The following DDX60 variants were observed in gnomAD, a reference collection of about 807,000 sequenced individuals.
The protein encoded by DDX60 is DExD/H-box helicase 60, also known as probable ATP-dependent RNA helicase DDX60.
In DDX60, 165 loss-of-function variants were observed where a neutral mutation model predicts 212.8. That is an observed-to-expected ratio of 0.78 (90% CI 0.68 to 0.88). The LOEUF (loss-of-function observed/expected upper bound fraction) is 0.88. Among genes scored for constraint, DDX60 ranks in the 40% least tolerant of loss-of-function variants. DDX60 has a pLI of 0.00. For missense variants in DDX60, 1,905 were observed against 2,003.9 expected (o/e 0.95, Z 0.94); for synonymous variants, 703 against 685.3 (o/e 1.03, Z -0.40).
chr4:168,293,665 G>A, intron 7 of DDX60, 122 bp downstream of exon 7: 1 of 874,428 alleles, frequency 1.1e-6, no homozygotes. Context: ...TTTATTTTCT[G>A]AAGTTTATAT....
intron 5 of DDX60, 41 bp downstream of exon 5, chr4:168,306,338 T>C (rs757157197): frequency 2.0e-6 from 3 of 1,496,554 alleles, no homozygotes; most frequent in Non-Finnish European, 2.7e-6. Context: ...TAGAACATTT[T>C]GAAAATTTCT....
At chr4:168,283,380 A>C in intron 13 of DDX60, 66 bp downstream of exon 13, 1 of 1,396,392 alleles carries the variant, frequency 7.2e-7, no homozygotes. Flanking sequence ...CCAAAGGGAT[A>C]ACACATATCA....
chr4:168,275,996 G>C lies in DDX60; in HGVS notation c.2145+19C>G, dbSNP rs1215714932. 1 of 1,584,004 alleles carries C rather than the reference G, an allele frequency of 6.3e-7. No individual in the cohort carries two copies. The highest frequency in any genetic ancestry group is 1.4e-5 in the African/African-American group (1 of 73,968). On this transcript the variant is annotated intron_variant, in intron 15 of 37. Coordinates refer to ENST00000393743, the MANE Select transcript of DDX60 (RefSeq NM_017631.6). Reference sequence around the variant, plus strand: ...CTAATAATTACCCTGTTGAAATTGAGCTATTCTGATAATATTACCTGGGCT... The same window carrying C: ...CTAATAATTACCCTGTTGAAATTGACCTATTCTGATAATATTACCTGGGCT...
intron 32 of DDX60, 23 bp from the exon 33 acceptor site, chr4:168,236,396 T>C (rs772040387): frequency 1.6e-5 from 25 of 1,567,004 alleles, no homozygotes; most frequent in South Asian, 2.4e-5. Context: ...AAGTGTCTTC[T>C]TGTAAATATG....
rs755996268 is a variant in DDX60, at chr4:168,236,389, T to G, written c.4412-16A>C. Reference sequence around the variant, plus strand: ...TGTTTTGAGCCTATATAAAACAAAGTGTCTTCTTGTAAATATGAAAGGGTA... The same window carrying G: ...TGTTTTGAGCCTATATAAAACAAAGGGTCTTCTTGTAAATATGAAAGGGTA... On this transcript the variant is annotated splice_polypyrimidine_tract_variant and intron_variant, in intron 32 of 37. Transcript: ENST00000393743. 1 of 1,577,272 alleles carries G rather than the reference T, an allele frequency of 6.3e-7. No individual in the cohort carries two copies. The highest frequency in any genetic ancestry group is 8.6e-7 in the Non-Finnish European group (1 of 1,161,648).
chr4:168,261,024 G>A (rs1734603675), intron 24 of DDX60, 35 bp from the exon 25 acceptor site: 1 of 1,569,616 alleles, frequency 6.4e-7, no homozygotes, highest in East Asian at 2.3e-5. Context: ...TTTAAGTTCT[G>A]CATGAGAAAG....
intron 27 of DDX60, among the ~76,000 whole-genome samples, chr4:168,252,037 A>C (rs961513502): frequency 1.3e-5 from 2 of 152,224 alleles, no homozygotes; most frequent in African/African-American, 4.8e-5. Flanking sequence ...ATAATGTAAA[A>C]AGCCCCTGAT....
intron 16 of DDX60, 100 bp downstream of exon 16, chr4:168,275,245 T>C: frequency 9.1e-7 from 1 of 1,096,748 alleles, no homozygotes; most frequent in African/African-American, 1.6e-5. Flanking sequence ...TTAAATGACA[T>C]GAACATCAAA....
chr4:168,224,797 A>G (rs1733190949), intron 34 of DDX60, among the ~76,000 whole-genome samples: 1 of 151,754 alleles, frequency 6.6e-6, no homozygotes, highest in South Asian at 2.1e-4. Context: ...GAGAATAAAT[A>G]TATTTTCCAT....
intron 37 of DDX60, among the ~76,000 whole-genome samples, chr4:168,218,788 C>T (rs959057662): frequency 3.3e-5 from 5 of 152,076 alleles, no homozygotes; most frequent in African/African-American, 1.2e-4. Context: ...CATTTCTGTA[C>T]TTTGAAAATA....
intron 30 of DDX60, among the ~76,000 whole-genome samples, chr4:168,244,217 C>T (rs373216714): frequency 1.3e-5 from 2 of 152,036 alleles, no homozygotes; most frequent in African/African-American, 2.4e-5. Flanking sequence ...ACATAACAAA[C>T]CTGCACATCC....
In DDX60 at chr4:168,225,575, T is replaced by C. The variant is rs17053812; in HGVS notation, c.4635A>G (p.Lys1545=). 5.1e-3 allele frequency: 8,296 copies of C among 1,611,432 alleles called. 362 individuals carry two copies. In the African/African-American group the frequency reaches 0.095, roughly 18 times the overall value. Residue 1545 remains lysine (K), a synonymous_variant, in exon 34 of 38, where the codon AAA becomes AAG. Coordinates refer to ENST00000393743, the MANE Select transcript of DDX60 (RefSeq NM_017631.6). ...DFTTFLRIVS[K]LADMNQEYQL... ...GATATTCCTGATTCATATCAGCCAG[T>C]TTGGAAACAATTCGTAGGAAAGTGG...
intron 15 of DDX60, 86 bp downstream of exon 15, chr4:168,275,929 T>A: frequency 2.6e-6 from 3 of 1,143,350 alleles, no homozygotes; most frequent in South Asian, 2.2e-5. Flanking sequence ...AAAAAAAAAA[T>A]CTGGAAGAGA....
intron 30 of DDX60, among the ~76,000 whole-genome samples, chr4:168,241,950 T>C (rs1222112569): frequency 6.6e-6 from 1 of 152,124 alleles, no homozygotes; most frequent in Non-Finnish European, 1.5e-5. Context: ...CCAGGGTTCG[T>C]CTGCTGTGTA....
At chr4:168,318,512 GCC>G (rs1309793774) in intron 1 of DDX60, 108 bp downstream of exon 1, 1 of 152,372 alleles carries the variant, frequency 6.6e-6, no homozygotes, top group African/African-American at 2.4e-5. Context: ...CGCGCCCCGA[GCC>G]CAGCACTCCT....
intron 33 of DDX60, among the ~76,000 whole-genome samples, chr4:168,229,869 T>C (rs67680791): frequency 0.067 from 10,199 of 152,042 alleles, 483 homozygotes; most frequent in East Asian, 0.15. Flanking sequence ...TACCTCACAT[T>C]TCAAAACTAA....
At chr4:168,237,013 A>G (rs918525531) in intron 32 of DDX60, among the ~76,000 whole-genome samples, 5 of 151,420 alleles carry the variant, frequency 3.3e-5, no homozygotes, top group African/African-American at 1.2e-4. Flanking sequence ...AAAAGTGTAT[A>G]TTATTTAATA....
chr4:168,290,182 G>A (rs978545603), intron 8 of DDX60, among the ~76,000 whole-genome samples: 4 of 151,938 alleles, frequency 2.6e-5, no homozygotes, highest in South Asian at 2.1e-4. Flanking sequence ...CAGTTCCTTG[G>A]TTATGCCATC....
At chr4:168,295,512 A>G (rs1463709845) in intron 6 of DDX60, among the ~76,000 whole-genome samples, 2 of 152,144 alleles carry the variant, frequency 1.3e-5, no homozygotes, top group Non-Finnish European at 2.9e-5. Context: ...CTCACTTCCG[A>G]TTCCTGTATG....
Sources: gnomAD v4.1 joint callset for allele counts (sites outside exome capture counted in the v4.1 genomes callset) on GRCh38, gnomAD v4.1.1 for gene constraint, MANE v1.5 for transcripts, NCBI Gene and HGNC (gene_info 2026-07-23, HGNC 2026-07-21) for gene names.